CSMD3: variants seen among roughly 807,000 people sequenced by gnomAD.
CSMD3 encodes the protein CUB and sushi domain-containing protein 3.
A neutral mutation model predicts 435.2 loss-of-function variants in CSMD3; 177 were observed. That is an observed-to-expected ratio of 0.41 (90% confidence interval 0.36 to 0.46). CSMD3 has a LOEUF of 0.46. Among genes scored for constraint, CSMD3 ranks in the 20% least tolerant of loss-of-function variants. CSMD3 has a pLI of 0.34. For synonymous variants in CSMD3, 1,656 were observed against 1,520.5 expected (o/e 1.09, Z -2.07); for missense variants, 4,265 against 4,504.6 (o/e 0.95, Z 1.52).
chr8:112,498,782 G>A (rs1278989320), intron 30 of CSMD3, among the ~76,000 whole-genome samples: 3 of 151,832 alleles, frequency 2.0e-5, no homozygotes, highest in Admixed American at 6.6e-5. Context: ...TCAGCTTGCA[G>A]GTATAAGTAG....
At chr8:112,662,559 C>A (rs1484520119) in intron 17 of CSMD3, among the ~76,000 whole-genome samples, 2 of 152,012 alleles carry the variant, frequency 1.3e-5, no homozygotes, top group African/African-American at 2.4e-5. Context: ...AGACCTAAAA[C>A]CATAAAAACC....
chr8:113,125,002 C>A (rs1245154674), intron 4 of CSMD3, among the ~76,000 whole-genome samples: 1 of 151,836 alleles, frequency 6.6e-6, no homozygotes, highest in South Asian at 2.1e-4. Flanking sequence ...AATATGACAC[C>A]CAAAGCTCTA....
chr8:112,446,494 C>CATTTTAAAGGCATTTAAAATGCATG (rs1254428819), intron 32 of CSMD3, among the ~76,000 whole-genome samples: 1 of 152,150 alleles, frequency 6.6e-6, no homozygotes, highest in Admixed American at 6.5e-5. Flanking sequence ...AGACATACTG[C>CATTTTAAAGGCATTTAAAATGCATG]TAAAGGCATT....
At chr8:113,114,771 G>A (rs1270291772) in intron 4 of CSMD3, among the ~76,000 whole-genome samples, 1 of 152,064 alleles carries the variant, frequency 6.6e-6, no homozygotes, top group Non-Finnish European at 1.5e-5. Flanking sequence ...TGTTTCTGAT[G>A]GCAGCCTAGT....
chr8:112,390,906 T>G (rs1767986915), intron 35 of CSMD3, 118 bp from the exon 36 acceptor site: 1 of 950,082 alleles, frequency 1.1e-6, no homozygotes, highest in Non-Finnish European at 1.6e-6. Flanking sequence ...AATCATACTT[T>G]TTTCAAAACT....
At chr8:113,156,123 T>G (rs1369520891) in intron 4 of CSMD3, among the ~76,000 whole-genome samples, 1 of 152,034 alleles carries the variant, frequency 6.6e-6, no homozygotes, top group Non-Finnish European at 1.5e-5. Flanking sequence ...TAAATATGGC[T>G]TAGAATAGAA....
chr8:113,038,465 C>A (rs2087456177), intron 5 of CSMD3, among the ~76,000 whole-genome samples: 1 of 152,098 alleles, frequency 6.6e-6, no homozygotes, highest in African/African-American at 2.4e-5. Flanking sequence ...GAGGAGACAT[C>A]ACAGAATAGA....
Position 113,286,320 on chromosome 8 carries a change from A to T in CSMD3, c.402-7616T>A, listed in dbSNP as rs566420942. On this transcript the variant is annotated intron_variant, in intron 2 of 70. Coordinates refer to ENST00000297405, the MANE Select transcript of CSMD3 (RefSeq NM_198123.2). The stretch of plus-strand genomic sequence containing the variant: ...AAATGAATAACTAGTCACAAGGAGA[A>T]TTAAACAATTAACTTACAACTTTCT... Among the ~76,000 whole-genome samples, 10 of 152,320 alleles carry T rather than the reference A, an allele frequency of 6.6e-5. No homozygotes were observed. The East Asian group carries it at 9.6e-4, about 15-fold the overall frequency.
chr8:112,409,110 G>C, intron 32 of CSMD3, 78 bp from the exon 33 acceptor site: 3 of 1,599,788 alleles, frequency 1.9e-6, no homozygotes, highest in Admixed American at 1.7e-5. Flanking sequence ...AAAATAGAAA[G>C]AGGAGGAGAG....
At chr8:112,438,167 T>C (rs1814587058) in intron 32 of CSMD3, among the ~76,000 whole-genome samples, 1 of 152,138 alleles carries the variant, frequency 6.6e-6, no homozygotes, top group Non-Finnish European at 1.5e-5. Context: ...AGCATTTCAG[T>C]GACAGGAAAC....
chr8:112,987,810 C>CG (rs1368631742), intron 6 of CSMD3, among the ~76,000 whole-genome samples: 1 of 152,044 alleles, frequency 6.6e-6, no homozygotes, highest in African/African-American at 2.4e-5. Flanking sequence ...GTAATTCCCT[C>CG]GGCAGGATTT....
rs551608618 is a variant in CSMD3, at chr8:113,266,425, A to G, written c.514+12167T>C. The stretch of plus-strand genomic sequence containing the variant: ...AGCAATGTTTTTTGTTCTAAATTAT[A>G]TTTTCTCATATCCATTTAAATCTAA... On this transcript the variant is annotated intron_variant, in intron 3 of 70. Transcript: ENST00000297405. Among the ~76,000 whole-genome samples, 4 of 151,374 alleles carry G rather than the reference A, an allele frequency of 2.6e-5. No individual in the cohort carries two copies. The East Asian group carries it at 7.7e-4, about 29-fold the overall frequency.
At chr8:113,236,836 T>C (rs545783035) in intron 3 of CSMD3, among the ~76,000 whole-genome samples, 10 of 152,142 alleles carry the variant, frequency 6.6e-5, no homozygotes, top group South Asian at 4.1e-4. Context: ...TATCTATCTA[T>C]CTACCTACCT....
At chr8:112,898,325 T>C (rs2082009104) in intron 10 of CSMD3, among the ~76,000 whole-genome samples, 1 of 151,212 alleles carries the variant, frequency 6.6e-6, no homozygotes, top group Admixed American at 6.6e-5. Context: ...CTGATTAGAT[T>C]GTATTTCTGT....
intron 63 of CSMD3, among the ~76,000 whole-genome samples, chr8:112,249,769 T>C (rs752429309): frequency 5.9e-5 from 9 of 152,092 alleles, no homozygotes; most frequent in Admixed American, 6.6e-5. Flanking sequence ...TTTCATGCTA[T>C]TCCTACTGCA....
In CSMD3 at chr8:112,252,802, G is replaced by A. The variant is rs549033788; in HGVS notation, c.10110+1451C>T. Reference sequence around the variant, plus strand: ...AATTTTAATAGATAGTTATATAATTGTATATAAGTAGACTTTACCATATTT... The same window carrying A: ...AATTTTAATAGATAGTTATATAATTATATATAAGTAGACTTTACCATATTT... On this transcript the variant is annotated intron_variant, in intron 63 of 70. Coordinates refer to ENST00000297405, the MANE Select transcript of CSMD3 (RefSeq NM_198123.2). 4.0e-5 allele frequency among the ~76,000 whole-genome samples: 6 copies of A among 150,284 alleles called. No individual in the cohort carries two copies. In the South Asian group the frequency reaches 1.3e-3, roughly 32 times the overall value.
chr8:112,663,566 A>G (rs2075442133), intron 17 of CSMD3, among the ~76,000 whole-genome samples: 1 of 151,976 alleles, frequency 6.6e-6, no homozygotes, highest in African/African-American at 2.4e-5. Flanking sequence ...CAGCATACCA[A>G]CGTGGCACAT....
At chr8:112,662,186 T>C (rs971456095) in intron 17 of CSMD3, among the ~76,000 whole-genome samples, 11 of 152,110 alleles carry the variant, frequency 7.2e-5, no homozygotes, top group African/African-American at 2.2e-4. Flanking sequence ...AAAGTTCATA[T>C]GGAACCAAAA....
chr8:112,609,071 G>A (rs578036463), intron 22 of CSMD3, among the ~76,000 whole-genome samples: 5 of 151,226 alleles, frequency 3.3e-5, no homozygotes, highest in South Asian at 2.1e-4. Flanking sequence ...ACATGGTGGC[G>A]CATGCCTGTA....
Sources: gnomAD v4.1 joint callset for allele counts (sites outside exome capture counted in the v4.1 genomes callset) on GRCh38, gnomAD v4.1.1 for gene constraint, MANE v1.5 for transcripts, NCBI Gene and HGNC (gene_info 2026-07-23, HGNC 2026-07-21) for gene names.